TPCN2: variants seen among roughly 807,000 people sequenced by gnomAD.
TPCN2 encodes two pore segment channel 2.
In TPCN2, 92 loss-of-function variants were observed where a neutral mutation model predicts 111.4. The observed-to-expected ratio is 0.83, with a 90% CI of 0.70 to 0.98. The LOEUF (loss-of-function observed/expected upper bound fraction) is 0.98. Ranked by LOEUF, TPCN2 falls within the 50% of genes least tolerant of loss-of-function variation. The probability of loss-of-function intolerance (pLI) is 0.00; values close to 1 mark genes in which losing one functional copy is unlikely to be tolerated. For synonymous variants in TPCN2, 405 were observed against 414.5 expected (o/e 0.98, Z 0.28); for missense variants, 995 against 980.1 (o/e 1.02, Z -0.20).
At chr11:69,063,781 C>G in intron 6 of TPCN2, 114 bp from the exon 7 acceptor site, 1 of 951,024 alleles carries the variant, frequency 1.1e-6, no homozygotes, top group East Asian at 2.6e-5. Flanking sequence ...CTGCCTGGAT[C>G]CACCCCAGCT....
At chr11:69,064,161 C>T (rs1855154921) in intron 7 of TPCN2, among the ~76,000 whole-genome samples, 194 bp downstream of exon 7, 1 of 152,246 alleles carries the variant, frequency 6.6e-6, no homozygotes, top group African/African-American at 2.4e-5. Flanking sequence ...GCCCAGACAC[C>T]TGTCTGCCCT....
intron 8 of TPCN2, among the ~76,000 whole-genome samples, chr11:69,069,784 C>G (rs10896412): frequency 0.8 from 54,716 of 68,666 alleles, 22,692 homozygotes; most frequent in Non-Finnish European, 0.89. Flanking sequence ...AGTGACCGCA[C>G]TGGGAGCAGG....
intron 18 of TPCN2, among the ~76,000 whole-genome samples, chr11:69,082,253 TCATA>T (rs1223733354): frequency 6.6e-6 from 1 of 152,020 alleles, no homozygotes; most frequent in African/African-American, 2.4e-5. Context: ...ACAAGCACAA[TCATA>T]CATATATACA....
At chr11:69,068,021 G>C (rs530035762) in intron 8 of TPCN2, among the ~76,000 whole-genome samples, 1 of 152,288 alleles carries the variant, frequency 6.6e-6, no homozygotes, top group African/African-American at 2.4e-5. Flanking sequence ...CGCTGCGGTT[G>C]CTGCCGAGGT....
intron 7 of TPCN2, 29 bp downstream of exon 7, chr11:69,063,996 A>T (rs776705135): frequency 1.2e-6 from 2 of 1,607,204 alleles, no homozygotes; most frequent in South Asian, 1.1e-5. Flanking sequence ...GGGTCTGGGA[A>T]TGGGGCTGCC....
At chr11:69,052,886 C>T (rs966891050) in intron 1 of TPCN2, among the ~76,000 whole-genome samples, 5 of 152,248 alleles carry the variant, frequency 3.3e-5, no homozygotes, top group African/African-American at 1.2e-4. Flanking sequence ...ACTGAAAAAG[C>T]AGCTGCTTCA....
intron 5 of TPCN2, among the ~76,000 whole-genome samples, chr11:69,061,780 G>C (rs1855031561): frequency 6.6e-6 from 1 of 152,112 alleles, no homozygotes; most frequent in African/African-American, 2.4e-5. Context: ...GAGAACACTG[G>C]TGTGTGATGG....
In TPCN2 at chr11:69,054,795, A is replaced by G. The variant is rs142314553; in HGVS notation, c.249A>G (p.Gln83=). ...LYRRYYSNVC[Q]RTLSFTIFLI... is the part of the protein sequence containing the mutation. Reference sequence around the variant, plus strand: ...GACGGTATTACTCGAACGTATGCCAACGGTGAGAACGCACCCATGTGGAAC... The same window carrying G: ...GACGGTATTACTCGAACGTATGCCAGCGGTGAGAACGCACCCATGTGGAAC... Residue 83 remains glutamine, a splice_region_variant and synonymous_variant, in exon 3 of 25, where the codon CAA becomes CAG. Coordinates refer to ENST00000294309, the MANE Select transcript of TPCN2 (RefSeq NM_139075.4). The G allele has an allele frequency of 2.2e-5, 35 of 1,613,848 alleles. No homozygotes were observed. Among genetic ancestry groups the G allele is most frequent in the African/African-American group, 5.3e-5 (4 of 74,930 alleles).
intron 8 of TPCN2, 111 bp from the exon 9 acceptor site, chr11:69,070,319 C>T: frequency 1.2e-6 from 1 of 849,908 alleles, no homozygotes; most frequent in Non-Finnish European, 1.9e-6. Context: ...AGCCACCACG[C>T]TCAGCAATGG....
Position 69,079,856 on chromosome 11 carries a change from C to T in TPCN2, c.1562C>T (p.Ala521Val). ...VLLVLEISTL[A>V]VYRLPHPGWR... is the part of the protein sequence containing the mutation. The stretch of plus-strand genomic sequence containing the variant: ...AAGGTTTTGGAGATCTCAACTCTGG[C>T]TGTGTACCGATTGCCACACCCAGGC... Residue 521 changes from alanine to valine, a missense_variant, in exon 17 of 25, where the codon GCT becomes GTT. Coordinates refer to ENST00000294309, the MANE Select transcript of TPCN2 (RefSeq NM_139075.4). The T allele has an allele frequency of 2.5e-6, 4 of 1,613,830 alleles. No homozygotes were observed. Among genetic ancestry groups the T allele is most frequent in the Non-Finnish European group, 3.4e-6 (4 of 1,179,952 alleles).
In TPCN2 at chr11:69,088,352, T is replaced by G; in HGVS notation, c.*399T>G. ...GGCCTGCACAGGTTAACCGTCAGAC[T>G]TCCGGGGCATTCAGGTGGGGATGCT... is the stretch of plus-strand genomic sequence containing the variant. On this transcript the variant is annotated 3_prime_UTR_variant, in exon 25 of 25. Transcript: ENST00000294309. The G allele has an allele frequency of 5.6e-6, 1 of 179,058 alleles. No individual in the cohort carries two copies. Among genetic ancestry groups the G allele is most frequent in the Non-Finnish European group, 1.2e-5 (1 of 84,794 alleles). 11.1% of individuals were successfully genotyped at this position (179,058 alleles called of 1,614,324 possible).
rs1193884728 is a variant in TPCN2, at chr11:69,063,972, G to T, written c.726+5G>T. ...CTGCTGTTCGCTGGTGGGAAGGTAG[G>T]GCACCCGTGGTCAGGGTCTGGGAAT... On this transcript the variant is annotated splice_donor_5th_base_variant and intron_variant, in intron 7 of 24. Coordinates refer to ENST00000294309, the MANE Select transcript of TPCN2 (RefSeq NM_139075.4). The T allele has an allele frequency of 6.2e-7, 1 of 1,613,794 alleles. No homozygotes were observed. Among genetic ancestry groups the T allele is most frequent in the African/African-American group, 1.3e-5 (1 of 74,912 alleles).
intron 19 of TPCN2, among the ~76,000 whole-genome samples, chr11:69,084,405 A>T (rs1856181626): frequency 6.6e-6 from 1 of 152,152 alleles, no homozygotes; most frequent in Non-Finnish European, 1.5e-5. Flanking sequence ...TGGGATGAGG[A>T]CTTGGTCGAG....
chr11:69,067,701 C>T (rs377407613), intron 8 of TPCN2, 96 bp downstream of exon 8: 7 of 1,068,646 alleles, frequency 6.6e-6, no homozygotes, highest in South Asian at 5.6e-5. Flanking sequence ...GTGGGAGTTT[C>T]TGAGGCCTTT....
chr11:69,074,065 G>T (rs566383279), intron 13 of TPCN2, among the ~76,000 whole-genome samples: 1 of 152,376 alleles, frequency 6.6e-6, no homozygotes, highest in African/African-American at 2.4e-5. Context: ...CTGGGGGTTA[G>T]AGGTTAAAGA....
At chr11:69,081,366 C>T (rs779299761) in intron 17 of TPCN2, 34 bp from the exon 18 acceptor site, 63 of 1,467,148 alleles carry the variant, frequency 4.3e-5, no homozygotes, top group Non-Finnish European at 5.7e-5. Context: ...GGCTCCTGGG[C>T]TCCTCCCAAC....
intron 13 of TPCN2, among the ~76,000 whole-genome samples, chr11:69,077,342 T>TCACCTGCCCTCCTGCCGTGTCCCTC (rs1855836033): frequency 1.2e-4 from 1 of 8,510 alleles, no homozygotes; most frequent in Non-Finnish European, 2.9e-4. Flanking sequence ...CTGTGTCCCT[T>TCACCTGCCCTCCTGCCGTGTCCCTC]CACCTGCCCT....
chr11:69,065,372 G>A (rs1353621187), intron 7 of TPCN2, among the ~76,000 whole-genome samples: 4 of 152,198 alleles, frequency 2.6e-5, no homozygotes, highest in African/African-American at 9.7e-5. Context: ...CTCGACCCCG[G>A]GAAAGCCGAG....
At chr11:69,071,236 G>T in intron 9 of TPCN2, 120 bp from the exon 10 acceptor site, 1 of 751,504 alleles carries the variant, frequency 1.3e-6, no homozygotes. Flanking sequence ...CGCTGGCCAG[G>T]CCATGTTTCC....
Sources: gnomAD v4.1 joint callset for allele counts (sites outside exome capture counted in the v4.1 genomes callset) on GRCh38, gnomAD v4.1.1 for gene constraint, MANE v1.5 for transcripts, NCBI Gene and HGNC (gene_info 2026-07-23, HGNC 2026-07-21) for gene names.